Variants in EP400 observed in about 807,000 individuals in gnomAD.
EP400 encodes the protein E1A binding protein p400, also known as E1A-binding protein p400.
In EP400, 105 loss-of-function variants were observed where a neutral mutation model predicts 354.1. The ratio of observed to expected loss-of-function variants is 0.30; its 90% confidence interval spans 0.25 to 0.35. The LOEUF is 0.35. EP400 is among the 10% of genes least tolerant of loss of function. The probability of loss-of-function intolerance (pLI) is 1.00; values close to 1 mark genes in which losing one functional copy is unlikely to be tolerated. For synonymous variants in EP400, 1,646 were observed against 1,716.9 expected (o/e 0.96, Z 1.02); for missense variants, 3,280 against 4,121.0 (o/e 0.80, Z 5.59).
chr12:132,062,836 C>T lies in EP400; in HGVS notation c.8334+135C>T, dbSNP rs138383649. 1.7e-4 allele frequency: 193 copies of T among 1,108,742 alleles called. 1 individual carries two copies. The East Asian group carries it at 4.0e-3, about 23-fold the overall frequency. The allele number at this position is 1,108,742 out of a possible 1,614,324, so 68.7% of individuals were successfully genotyped here. A position where few individuals can be genotyped will look rare whatever the true frequency, so the allele number is the denominator to read the frequency against. On this transcript the variant is annotated intron_variant, in intron 47 of 52. Transcript: ENST00000389561. The stretch of plus-strand genomic sequence containing the variant: ...CGTCTAGCACTGCCTTTATGTAGGA[C>T]GCGTGCTTCGTTTTATTGGTCTAAA...
Position 131,979,718 on chromosome 12 carries a change from G to T in EP400, c.1360G>T (p.Val454Leu). ...GCAGCAAGCCCTCGCAGGGAGCCTGGTAGCAGGGGCCGGAAGCACAGTAGA... is the reference window on the plus strand; with the variant it reads ...GCAGCAAGCCCTCGCAGGGAGCCTGTTAGCAGGGGCCGGAAGCACAGTAGA... ...DEQQALAGSL[V>L]AGAGSTVETD... The change falls in exon 3 of 53, where the codon GTA (valine) becomes TTA (leucine). Residue 454 changes from valine (V) to leucine (L), a missense_variant. Physicochemically the swap from Val to Leu is conservative, Grantham distance 32 (BLOSUM62 1). Coordinates refer to ENST00000389561, the MANE Select transcript of EP400 (RefSeq NM_015409.5). 3 of 1,609,098 alleles carry T rather than the reference G, an allele frequency of 1.9e-6. No individual in the cohort carries two copies. Among genetic ancestry groups the T allele is most frequent in the Non-Finnish European group, 2.5e-6 (3 of 1,177,584 alleles).
chr12:132,043,101 G>T (rs908275613), intron 32 of EP400, among the ~76,000 whole-genome samples: 1 of 152,238 alleles, frequency 6.6e-6, no homozygotes, highest in African/African-American at 2.4e-5. Context: ...GGCCCAGGAG[G>T]TTTCCCACTC....
intron 2 of EP400, among the ~76,000 whole-genome samples, chr12:131,967,682 T>A (rs1593314421): frequency 6.6e-6 from 1 of 151,186 alleles, no homozygotes; most frequent in Admixed American, 6.6e-5. Flanking sequence ...AGAGTGAGAC[T>A]CTGTCTCAAA....
At chr12:131,974,960 A>G (rs1201007542) in intron 2 of EP400, among the ~76,000 whole-genome samples, 2 of 142,022 alleles carry the variant, frequency 1.4e-5, no homozygotes, top group East Asian at 4.1e-4. Context: ...ACTGTACTCC[A>G]TCCTGGGCGA....
intron 22 of EP400, among the ~76,000 whole-genome samples, 192 bp downstream of exon 22, chr12:132,020,410 GT>G (rs1345834685): frequency 6.6e-6 from 1 of 152,180 alleles, no homozygotes; most frequent in Admixed American, 6.5e-5. Flanking sequence ...TGTAATGGAT[GT>G]TTTCCCTATT....
rs780336362 is a variant in EP400 at position 132,043,690 on chromosome 12, C to T, written c.6412C>T (p.His2138Tyr). The T allele has an allele frequency of 6.2e-7, 1 of 1,611,662 alleles. No individual in the cohort carries two copies. Among genetic ancestry groups the T allele is most frequent in the Non-Finnish European group, 8.5e-7 (1 of 1,179,472 alleles). The change falls in exon 34 of 53, where the codon CAT becomes TAT. Residue 2138 changes from histidine (H) to tyrosine (Y), a missense_variant. Physicochemically the swap from His to Tyr is moderately conservative, Grantham distance 83 (BLOSUM62 2). Coordinates refer to ENST00000389561, the MANE Select transcript of EP400 (RefSeq NM_015409.5). The stretch of plus-strand genomic sequence containing the variant: ...TGCTTTAAATTACCTGGAATTATTC[C>T]ATACTTCTATTGAGCAAGAAAAGGA... Reference protein sequence around the residue: ...KYALNYLELFHTSIEQEKERN... With the variant: ...KYALNYLELFYTSIEQEKERN...
At position 131,982,985 on chromosome 12, in the gene EP400, AT is replaced by A. The variant is rs1266328868; in HGVS notation, c.1929+508del. On this transcript the variant is annotated intron_variant, in intron 5 of 52. Coordinates refer to ENST00000389561, the MANE Select transcript of EP400 (RefSeq NM_015409.5). ...ACTCTGTCTCAAAAAAAAAAAAAAA[AT>A]AATAATAATAATAGACAACTGTTAT... is the stretch of plus-strand genomic sequence containing the variant. 8.3e-4 allele frequency among the ~76,000 whole-genome samples: 120 copies of A among 145,194 alleles called. 1 individual carries two copies. The highest frequency in any genetic ancestry group is 6.1e-3 in the East Asian group (31 of 5,114).
Position 132,027,553 on chromosome 12 carries a change from C to A in EP400, c.5109+22C>A. The A allele has an allele frequency of 6.3e-7, 1 of 1,587,548 alleles. No homozygotes were observed. Among genetic ancestry groups the A allele is most frequent in the Non-Finnish European group, 8.6e-7 (1 of 1,163,262 alleles). On this transcript the variant is annotated intron_variant, in intron 26 of 52. Transcript: ENST00000389561. This position sits in a 1 kb window ranked among gnomAD's most constrained non-coding sequence, Gnocchi z 4.9. ...CCAGGTAAGCACCTGAGCTTGAGAC[C>A]CCGGTGCACGTGGACAGGTAGCTTT...
At chr12:132,000,838 C>G (rs1163799313) in intron 12 of EP400, among the ~76,000 whole-genome samples, 1 of 152,114 alleles carries the variant, frequency 6.6e-6, no homozygotes, top group African/African-American at 2.4e-5. Flanking sequence ...TTTAGAAAAC[C>G]TACATGAAAT....
chr12:132,033,643 C>T (rs147106754), intron 30 of EP400, among the ~76,000 whole-genome samples: 40 of 151,926 alleles, frequency 2.6e-4, no homozygotes, highest in Non-Finnish European at 4.9e-4. Context: ...GTAATCCTCC[C>T]GGCTCAGCCT....
Position 131,979,750 on chromosome 12 carries a change from C to T in EP400, c.1392C>T (p.Asp464=), listed in dbSNP as rs776275839. The part of the protein sequence containing the change: ...VAGAGSTVET[D]LFKRQQAMPS... Reference sequence around the variant, plus strand: ...GGGCCGGAAGCACAGTAGAGACGGACCTGTTTAAGAGGCAGCAGGCGATGC... The same window carrying T: ...GGGCCGGAAGCACAGTAGAGACGGATCTGTTTAAGAGGCAGCAGGCGATGC... Residue 464 remains aspartate (D), a synonymous_variant, in exon 3 of 53, where the codon GAC becomes GAT. Transcript: ENST00000389561. The T allele has an allele frequency of 1.2e-6, 2 of 1,610,272 alleles. No individual in the cohort carries two copies. Among genetic ancestry groups the T allele is most frequent in the Admixed American group, 1.7e-5 (1 of 59,550 alleles).
At chr12:131,969,045 CT>C (rs111450529) in intron 2 of EP400, among the ~76,000 whole-genome samples, 170 of 141,936 alleles carry the variant, frequency 1.2e-3, no homozygotes, top group Admixed American at 1.2e-3. Context: ...CTTTACTTTT[CT>C]TTTTTTTTTT....
Position 132,066,809 on chromosome 12 carries a change from G to A in EP400, c.8589G>A (p.Gly2863=). ...CCACTTCTCAGCTGCAGGCGCAAGG[G>A]CAGATGCAGACCCAGGCACCCCAGC... ...RVPTSQLQAQ[G]QMQTQAPQPA... The change falls in exon 49 of 53, where the codon GGG becomes GGA. Residue 2863 remains glycine, a synonymous_variant. Transcript: ENST00000389561. 1 of 1,613,796 alleles carries A rather than the reference G, an allele frequency of 6.2e-7. No individual in the cohort carries two copies. Among genetic ancestry groups the A allele is most frequent in the Non-Finnish European group, 8.5e-7 (1 of 1,179,926 alleles).
intron 52 of EP400, 136 bp downstream of exon 52, chr12:132,076,729 T>G: frequency 1.3e-6 from 1 of 756,430 alleles, no homozygotes; most frequent in Non-Finnish European, 2.1e-6. Flanking sequence ...GGGGAAAAAC[T>G]AGATACACTT....
chr12:132,039,446 T>G (rs1250043229), intron 32 of EP400, among the ~76,000 whole-genome samples: 5 of 151,998 alleles, frequency 3.3e-5, no homozygotes. Context: ...TTTAATAGAC[T>G]GGCCCTCACA....
rs200414588 is a variant in EP400 at position 132,029,753 on chromosome 12, C to T, written c.5434C>T (p.Pro1812Ser). The change falls in exon 28 of 53, where the codon CCG becomes TCG. Residue 1812 changes from proline (P) to serine (S), a missense_variant. Physicochemically the swap from Pro to Ser is moderately conservative, Grantham distance 74. Coordinates refer to ENST00000389561, the MANE Select transcript of EP400 (RefSeq NM_015409.5). The surrounding 1 kb of genome is among the most constrained non-coding windows in gnomAD (Gnocchi z 4.7). ...VVAAPPSLRV[P>S]RPPPLYSHRM... ...GGCAGCACCCCCGTCCCTACGGGTG[C>T]CGCGGCCGCCACCCCTGTACAGCCA... 2.3e-4 allele frequency: 364 copies of T among 1,613,270 alleles called. 3 individuals carry two copies. The East Asian group carries it at 7.8e-3, about 35-fold the overall frequency.
Position 132,021,225 on chromosome 12 carries a change from C to G in EP400, c.4594C>G (p.Pro1532Ala), listed in dbSNP as rs995006938. The G allele has an allele frequency of 6.3e-7, 1 of 1,584,640 alleles. No homozygotes were observed. Among genetic ancestry groups the G allele is most frequent in the Non-Finnish European group, 8.5e-7 (1 of 1,172,674 alleles). Residue 1532 changes from proline (P) to alanine (A), a missense_variant, in exon 23 of 53, where the codon CCC becomes GCC. Pro to Ala is a conservative substitution (Grantham distance 27, BLOSUM62 -1). Coordinates refer to ENST00000389561, the MANE Select transcript of EP400 (RefSeq NM_015409.5). ...AGCACAGGCCTCCACCCCAGGCCAG[C>G]CCCCGCCCCAGCCCCAGGCCCCCTC... ...TTAQASTPGQ[P>A]PPQPQAPSHA... is the part of the protein sequence containing the mutation.
chr12:132,053,212 A>G lies in EP400; in HGVS notation c.7461A>G (p.Ala2487=). 1.9e-6 allele frequency: 3 copies of G among 1,613,858 alleles called. No individual in the cohort carries two copies. The highest frequency in any genetic ancestry group is 1.1e-5 in the South Asian group (1 of 91,066). ...QVASLRAERI[A]KEKKALADQQ... Reference sequence around the variant, plus strand: ...CATCTCTCCGTGCAGAGCGAATCGCAAAAGAGAAAAAGGTCAGCGCCCTGG... The same window carrying G: ...CATCTCTCCGTGCAGAGCGAATCGCGAAAGAGAAAAAGGTCAGCGCCCTGG... Residue 2487 remains alanine (A), a synonymous_variant, in exon 42 of 53, where the codon GCA becomes GCG. Coordinates refer to ENST00000389561, the MANE Select transcript of EP400 (RefSeq NM_015409.5).
intron 15 of EP400, 48 bp downstream of exon 15, chr12:132,006,925 C>G: frequency 6.2e-7 from 1 of 1,603,490 alleles, no homozygotes; most frequent in Non-Finnish European, 8.5e-7. Flanking sequence ...CTAGGACTTA[C>G]CTATAGGCCA....
Sources: allele counts gnomAD v4.1 joint callset (sites outside exome capture counted in the v4.1 genomes callset), GRCh38; gene constraint gnomAD v4.1.1; non-coding constraint Gnocchi (gnomAD v3.1); transcripts MANE v1.5; gene names NCBI Gene and HGNC (gene_info 2026-07-23, HGNC 2026-07-21).